The following SPIDR variants were observed in gnomAD, a reference collection of about 807,000 sequenced individuals.
SPIDR encodes the protein DNA repair-scaffolding protein.
SPIDR carries 93 observed loss-of-function variants against 104.6 expected under a neutral mutation model. The ratio of observed to expected loss-of-function variants is 0.89; its 90% confidence interval spans 0.75 to 1.06. The LOEUF (loss-of-function observed/expected upper bound fraction) is 1.06, where lower values mean the gene tolerates loss of function less well. SPIDR is among the 50% of genes least tolerant of loss of function. The probability of loss-of-function intolerance (pLI) is 0.00; values close to 1 mark genes in which losing one functional copy is unlikely to be tolerated. For missense variants in SPIDR, 1,154 were observed against 1,111.2 expected (o/e 1.04, Z -0.55); for synonymous variants, 431 against 416.9 (o/e 1.03, Z -0.41).
intron 5 of SPIDR, among the ~76,000 whole-genome samples, chr8:47,296,847 A>G (rs1281137105): frequency 6.6e-6 from 1 of 152,158 alleles, no homozygotes; most frequent in Non-Finnish European, 1.5e-5. Flanking sequence ...GAATAGTTTA[A>G]CAATATTCTT....
chr8:47,625,633 C>T (rs1360769412), intron 10 of SPIDR, among the ~76,000 whole-genome samples: 1 of 152,060 alleles, frequency 6.6e-6, no homozygotes, highest in African/African-American at 2.4e-5. Context: ...AACTCCCATT[C>T]ACAATTGCTT....
intron 5 of SPIDR, among the ~76,000 whole-genome samples, chr8:47,348,569 C>G (rs977628620): frequency 6.6e-6 from 1 of 152,218 alleles, no homozygotes; most frequent in Non-Finnish European, 1.5e-5. Context: ...TGGTTCCATT[C>G]TCCCTGTAAC....
intron 8 of SPIDR, among the ~76,000 whole-genome samples, chr8:47,446,289 G>T (rs781796449): frequency 6.6e-6 from 1 of 152,018 alleles, no homozygotes; most frequent in South Asian, 2.1e-4. Context: ...AAATCTACTC[G>T]CTTGTGCTCT....
chr8:47,413,265 A>T (rs2063783721), intron 7 of SPIDR, among the ~76,000 whole-genome samples: 1 of 152,250 alleles, frequency 6.6e-6, no homozygotes, highest in Non-Finnish European at 1.5e-5. Context: ...CCACATGAGG[A>T]GATGGAATGC....
chr8:47,279,764 C>A (rs1410728307), intron 1 of SPIDR, 98 bp from the exon 2 acceptor site: 1 of 1,251,308 alleles, frequency 8.0e-7, no homozygotes, highest in Non-Finnish European at 1.1e-6. Flanking sequence ...GATGCCACTT[C>A]TAGGTTTTCA....
intron 10 of SPIDR, among the ~76,000 whole-genome samples, chr8:47,649,442 A>G (rs1173344565): frequency 6.6e-6 from 1 of 152,180 alleles, no homozygotes; most frequent in Admixed American, 6.5e-5. Flanking sequence ...TCAAGGAAAG[A>G]CTGAGGAACC....
chr8:47,329,894 T>G (rs181484715), intron 5 of SPIDR, among the ~76,000 whole-genome samples: 38 of 152,332 alleles, frequency 2.5e-4, no homozygotes, highest in African/African-American at 8.9e-4. Flanking sequence ...CTCACAGATA[T>G]ATGACATTTC....
At chr8:47,702,987 G>T (rs548819464) in intron 14 of SPIDR, among the ~76,000 whole-genome samples, 1 of 152,222 alleles carries the variant, frequency 6.6e-6, no homozygotes, top group Non-Finnish European at 1.5e-5. Flanking sequence ...AGTGCACCAC[G>T]AGTCGGGGGA....
At chr8:47,369,935 AC>A (rs1422457755) in intron 5 of SPIDR, among the ~76,000 whole-genome samples, 2 of 150,804 alleles carry the variant, frequency 1.3e-5, no homozygotes, top group Non-Finnish European at 3.0e-5. Context: ...AGGGTTCCCT[AC>A]CCCCCATTTT....
intron 10 of SPIDR, among the ~76,000 whole-genome samples, chr8:47,600,610 A>G (rs1179686546): frequency 1.3e-5 from 2 of 152,214 alleles, no homozygotes; most frequent in Non-Finnish European, 2.9e-5. Flanking sequence ...GGTATTTATC[A>G]TGGCTTGTAG....
At chr8:47,271,354 T>A (rs2035286696) in intron 1 of SPIDR, among the ~76,000 whole-genome samples, 2 of 152,328 alleles carry the variant, frequency 1.3e-5, no homozygotes, top group South Asian at 4.1e-4. Flanking sequence ...TATTTGTGTG[T>A]CTGATGGTGT....
intron 5 of SPIDR, chr8:47,361,007 A>G (rs1314540094): frequency 1.0e-6 from 1 of 973,052 alleles, no homozygotes; most frequent in Non-Finnish European, 1.2e-6. Flanking sequence ...TTTTAATATT[A>G]AAAATAAATA....
At chr8:47,669,845 C>G (rs1408032959) in intron 10 of SPIDR, among the ~76,000 whole-genome samples, 2 of 152,012 alleles carry the variant, frequency 1.3e-5, no homozygotes, top group African/African-American at 2.4e-5. Flanking sequence ...ACTAAAAATA[C>G]AAAAATTAGC....
chr8:47,676,881 C>T lies in SPIDR; in HGVS notation c.1685+2940C>T, dbSNP rs1040892666. Among the ~76,000 whole-genome samples the T allele has an allele frequency of 3.3e-5, 5 of 152,220 alleles. No homozygotes were observed. In the East Asian group the frequency reaches 7.7e-4, roughly 23 times the overall value. On this transcript the variant is annotated intron_variant, in intron 11 of 19. Coordinates refer to ENST00000297423, the MANE Select transcript of SPIDR (RefSeq NM_001080394.4). ...TGCCAGATGCCTATGCAGGGAGCAC[C>T]GCTCCAGCCACCTGCTTTGGTCCAG...
At chr8:47,666,934 T>C (rs2075012592) in intron 10 of SPIDR, among the ~76,000 whole-genome samples, 1 of 152,186 alleles carries the variant, frequency 6.6e-6, no homozygotes. Flanking sequence ...ATTTATGTGA[T>C]GTCATTAACT....
At chr8:47,451,581 AACACACACACACACAC>A (rs56269650) in intron 8 of SPIDR, among the ~76,000 whole-genome samples, 1 of 148,038 alleles carries the variant, frequency 6.8e-6, no homozygotes, top group Non-Finnish European at 1.5e-5. Context: ...ACCCTGCCAA[AACACACACACACACAC>A]ACACACACAC....
At chr8:47,297,705 C>T (rs1395861122) in intron 5 of SPIDR, among the ~76,000 whole-genome samples, 1 of 152,006 alleles carries the variant, frequency 6.6e-6, no homozygotes. Context: ...AGAACATGCG[C>T]TGTTTGGTTT....
intron 14 of SPIDR, among the ~76,000 whole-genome samples, chr8:47,706,604 T>TATA (rs1454974150): frequency 6.6e-6 from 1 of 152,172 alleles, no homozygotes; most frequent in Non-Finnish European, 1.5e-5. Context: ...TGTTCGCCTT[T>TATA]ATAGCCACGT....
chr8:47,432,412 A>G (rs1175023930), intron 7 of SPIDR, among the ~76,000 whole-genome samples: 1 of 152,222 alleles, frequency 6.6e-6, no homozygotes, highest in African/African-American at 2.4e-5. Context: ...GGTCAGGAGC[A>G]TCATGGTTAG....
Sources: allele counts gnomAD v4.1 joint callset (sites outside exome capture counted in the v4.1 genomes callset), GRCh38; gene constraint gnomAD v4.1.1; transcripts MANE v1.5; gene names NCBI Gene and HGNC (gene_info 2026-07-23, HGNC 2026-07-21).